Variants in ZNF487 observed in about 807,000 individuals in gnomAD.
ZNF487 encodes zinc finger protein 487.
In ZNF487, 4 loss-of-function variants were observed where a neutral mutation model predicts 3.0. The ratio of observed to expected loss-of-function variants is 1.35; its 90% CI spans 0.66 to 3.08. ZNF487 has a LOEUF of 3.08. Among genes scored for constraint, ZNF487 ranks in the 30% most tolerant of loss-of-function variants. The pLI, the probability that ZNF487 is intolerant of heterozygous loss-of-function variation, is 0.01. For synonymous variants in ZNF487, 55 were observed against 34.6 expected (o/e 1.59, Z -2.06); for missense variants, 146 against 98.7 (o/e 1.48, Z -2.03).
chr10:43,484,065 C>T (rs1192971824), downstream of ZNF487, among the ~76,000 whole-genome samples: 5 of 151,868 alleles, frequency 3.3e-5, no homozygotes, highest in African/African-American at 1.2e-4. Flanking sequence ...GACAGGGTTT[C>T]GCCATGTTGG....
chr10:43,445,178 G>A (rs1449283727), intron 1 of ZNF487, among the ~76,000 whole-genome samples: 1 of 150,206 alleles, frequency 6.7e-6, no homozygotes, highest in Non-Finnish European at 1.5e-5. Flanking sequence ...CTTTAGAGAC[G>A]AGATCTTACT....
downstream of ZNF487, among the ~76,000 whole-genome samples, chr10:43,486,420 G>A (rs1841472430): frequency 6.6e-6 from 1 of 152,068 alleles, no homozygotes; most frequent in South Asian, 2.1e-4. Flanking sequence ...CAGCTACTCG[G>A]GAGGCTGAGG....
intron 1 of ZNF487, among the ~76,000 whole-genome samples, chr10:43,442,384 A>C (rs1564410779): frequency 6.6e-6 from 1 of 152,084 alleles, no homozygotes; most frequent in Non-Finnish European, 1.5e-5. Flanking sequence ...TGAGTCTTTT[A>C]ATCCATTAAC....
the ZNF487 span, among the ~76,000 whole-genome samples, chr10:43,501,047 T>A: frequency 6.6e-6 from 1 of 152,190 alleles, no homozygotes; most frequent in Non-Finnish European, 1.5e-5. Context: ...ACCTAGATGG[T>A]ATAGCCTACC....
At chr10:43,480,033 TTC>T (rs1491414504) in intron 3 of ZNF487, among the ~76,000 whole-genome samples, 2 of 62,600 alleles carry the variant, frequency 3.2e-5, no homozygotes, top group Admixed American at 4.2e-4. Flanking sequence ...CTTTCTTTCT[TTC>T]TTTCTTTCTT....
intron 1 of ZNF487, among the ~76,000 whole-genome samples, chr10:43,464,155 G>A (rs902609673): frequency 2.0e-5 from 3 of 150,858 alleles, no homozygotes; most frequent in African/African-American, 7.3e-5. Flanking sequence ...CAGCCCAAAT[G>A]TAAATGCAAA....
chr10:43,480,660 C>T (rs1841318620), intron 3 of ZNF487, among the ~76,000 whole-genome samples: 1 of 151,694 alleles, frequency 6.6e-6, no homozygotes, highest in South Asian at 2.1e-4. Context: ...AGGTGATCCA[C>T]CTTCCTTGGC....
intron 1 of ZNF487, among the ~76,000 whole-genome samples, chr10:43,460,936 A>T (rs1313984036): frequency 6.6e-6 from 1 of 151,754 alleles, no homozygotes; most frequent in African/African-American, 2.4e-5. Context: ...AAGTGATCTA[A>T]CACCACCTTG....
intron 1 of ZNF487, among the ~76,000 whole-genome samples, chr10:43,457,340 A>C (rs1440678907): frequency 2.0e-5 from 3 of 151,238 alleles, no homozygotes; most frequent in Non-Finnish European, 4.4e-5. Context: ...GGAGGATCAC[A>C]AGGTCAGGAG....
chr10:43,492,942 G>T, the ZNF487 span, among the ~76,000 whole-genome samples: 1 of 152,064 alleles, frequency 6.6e-6, no homozygotes, highest in Non-Finnish European at 1.5e-5. Flanking sequence ...AACTCTAAAG[G>T]TGTTCAGGCC....
intron 1 of ZNF487, among the ~76,000 whole-genome samples, chr10:43,460,012 C>G (rs145830765): frequency 0.028 from 4,237 of 151,834 alleles, 96 homozygotes; most frequent in South Asian, 0.041. Flanking sequence ...CCGTGTCAGC[C>G]AGGATGGTCT....
intron 1 of ZNF487, among the ~76,000 whole-genome samples, chr10:43,474,160 C>CAA (rs111998607): frequency 0.011 from 1,595 of 142,532 alleles, 15 homozygotes; most frequent in Non-Finnish European, 0.016. Context: ...GACCGTGTTT[C>CAA]AAAAAAAAAA....
chr10:43,494,897 A>G, the ZNF487 span, among the ~76,000 whole-genome samples: 1 of 147,670 alleles, frequency 6.8e-6, no homozygotes, highest in Non-Finnish European at 1.5e-5. Context: ...AGATCACACC[A>G]CTGCACTCCA....
chr10:43,499,357 T>C, the ZNF487 span, among the ~76,000 whole-genome samples: 11 of 152,170 alleles, frequency 7.2e-5, no homozygotes, highest in Non-Finnish European at 1.2e-4. Flanking sequence ...AAGTGAAAAT[T>C]GACTAAATTC....
At chr10:43,458,058 A>AC in intron 1 of ZNF487, 1 of 2,218 alleles carries the variant, frequency 4.5e-4, no homozygotes. Flanking sequence ...AAAACAAAAC[A>AC]AAAAAAAAGA....
chr10:43,485,054 A>T (rs1841460669), downstream of ZNF487, among the ~76,000 whole-genome samples: 1 of 152,190 alleles, frequency 6.6e-6, no homozygotes, highest in Non-Finnish European at 1.5e-5. Flanking sequence ...AGGAAGTTGG[A>T]TCCAGGAGCA....
At chr10:43,498,099 A>ATTTTTTTTTTTTTCT in the ZNF487 span, among the ~76,000 whole-genome samples, 1 of 20,188 alleles carries the variant, frequency 5.0e-5, no homozygotes, top group Non-Finnish European at 7.3e-5. Flanking sequence ...ATATATATAT[A>ATTTTTTTTTTTTTCT]TTTTTTTTTT....
chr10:43,475,697 A>T (rs1452761746), intron 1 of ZNF487, 24 bp from the exon 2 acceptor site: 3 of 776,826 alleles, frequency 3.9e-6, no homozygotes, highest in African/African-American at 3.4e-5. Flanking sequence ...TCACTGTAGA[A>T]TGAAAACAAA....
chr10:43,510,813 G>A, the ZNF487 span, among the ~76,000 whole-genome samples: 11 of 152,064 alleles, frequency 7.2e-5, no homozygotes, highest in Non-Finnish European at 1.5e-4. Flanking sequence ...CCCAAAGTGC[G>A]GGGATTATAG....
Sources: allele counts gnomAD v4.1 joint callset (sites outside exome capture counted in the v4.1 genomes callset), GRCh38; gene constraint gnomAD v4.1.1; transcripts MANE v1.5; gene names NCBI Gene and HGNC (gene_info 2026-07-23, HGNC 2026-07-21).